The following KIF6 variants were observed in gnomAD, a reference collection of about 807,000 sequenced individuals.
KIF6 encodes kinesin family member 6.
A neutral mutation model predicts 112.7 loss-of-function variants in KIF6; 106 were observed. The ratio of observed to expected loss-of-function variants is 0.94; its 90% CI spans 0.80 to 1.11. The LOEUF is 1.11. Ranked by LOEUF, KIF6 falls within the 50% of genes least tolerant of loss-of-function variation. The probability of loss-of-function intolerance (pLI) is 0.00; values close to 1 mark genes in which losing one functional copy is unlikely to be tolerated. For missense variants in KIF6, 929 were observed against 964.0 expected (o/e 0.96, Z 0.48); for synonymous variants, 339 against 339.9 (o/e 1.00, Z 0.03).
At chr6:39,474,323 A>T (rs1438275669) in intron 13 of KIF6, among the ~76,000 whole-genome samples, 1 of 152,192 alleles carries the variant, frequency 6.6e-6, no homozygotes, top group Non-Finnish European at 1.5e-5. Context: ...CCCCACTCAC[A>T]TTATTTTCCT....
intron 14 of KIF6, among the ~76,000 whole-genome samples, chr6:39,427,742 C>A (rs1391683281): frequency 6.6e-6 from 1 of 152,180 alleles, no homozygotes; most frequent in East Asian, 1.9e-4. Flanking sequence ...GCCAGCCCAT[C>A]CTGCATAACT....
chr6:39,593,639 C>T (rs565457372), intron 7 of KIF6, among the ~76,000 whole-genome samples: 30 of 152,276 alleles, frequency 2.0e-4, no homozygotes, highest in Admixed American at 1.6e-3. Context: ...GTTACAGAGA[C>T]CAAGGGGCAA....
At chr6:39,352,731 G>A (rs889415841) in intron 19 of KIF6, among the ~76,000 whole-genome samples, 16 of 151,860 alleles carry the variant, frequency 1.1e-4, no homozygotes, top group African/African-American at 3.9e-4. Flanking sequence ...AGCCTTCCAA[G>A]TAGCTGGGAT....
chr6:39,598,517 C>T (rs1383062258), intron 6 of KIF6, among the ~76,000 whole-genome samples: 1 of 151,348 alleles, frequency 6.6e-6, no homozygotes, highest in Non-Finnish European at 1.5e-5. Flanking sequence ...TAACACACAG[C>T]CATCAATAAA....
At chr6:39,603,695 G>C (rs557761247) in intron 6 of KIF6, among the ~76,000 whole-genome samples, 2 of 151,934 alleles carry the variant, frequency 1.3e-5, no homozygotes, top group East Asian at 3.9e-4. Flanking sequence ...GTGGATGTTT[G>C]TAAAATTAAT....
chr6:39,681,444 G>T (rs575684744), intron 3 of KIF6, among the ~76,000 whole-genome samples: 2 of 152,158 alleles, frequency 1.3e-5, no homozygotes, highest in East Asian at 3.9e-4. Context: ...GCTACAAAAA[G>T]TAGGAGAGAA....
intron 13 of KIF6, among the ~76,000 whole-genome samples, chr6:39,434,158 A>C (rs956138517): frequency 6.6e-6 from 1 of 152,172 alleles, no homozygotes; most frequent in African/African-American, 2.4e-5. Flanking sequence ...TTCTCTCAAG[A>C]AGTATTTATT....
At chr6:39,578,972 C>A (rs1213247291) in intron 9 of KIF6, among the ~76,000 whole-genome samples, 1 of 152,130 alleles carries the variant, frequency 6.6e-6, no homozygotes, top group Admixed American at 6.5e-5. Context: ...AGGAATATAT[C>A]AGAATCTATT....
chr6:39,706,523 A>G (rs1217803163), intron 3 of KIF6, among the ~76,000 whole-genome samples: 1 of 152,220 alleles, frequency 6.6e-6, no homozygotes, highest in African/African-American at 2.4e-5. Flanking sequence ...TAATCATAAG[A>G]CCATGTTCTC....
At chr6:39,377,788 G>C (rs955634718) in intron 16 of KIF6, among the ~76,000 whole-genome samples, 2 of 152,182 alleles carry the variant, frequency 1.3e-5, no homozygotes, top group African/African-American at 2.4e-5. Context: ...GCCTCTGCCT[G>C]ATTTCCCGGG....
At chr6:39,385,706 T>C (rs764534724) in intron 15 of KIF6, 34 bp from the exon 16 acceptor site, 7 of 1,509,784 alleles carry the variant, frequency 4.6e-6, no homozygotes, top group Non-Finnish European at 6.4e-6. Context: ...TACCAGTGGG[T>C]TTCCAATGGG....
intron 11 of KIF6, among the ~76,000 whole-genome samples, chr6:39,544,935 A>G (rs777274090): frequency 1.4e-4 from 22 of 151,888 alleles, no homozygotes; most frequent in Non-Finnish European, 2.2e-4. Context: ...CCTTCCCTAA[A>G]TTGGGAAATG....
intron 3 of KIF6, among the ~76,000 whole-genome samples, chr6:39,676,035 T>A (rs1787118285): frequency 1.4e-5 from 2 of 141,434 alleles, no homozygotes; most frequent in African/African-American, 2.6e-5. Context: ...AAATAGGCAC[T>A]ACAGAGAATG....
At chr6:39,622,870 A>C (rs1242458495) in intron 5 of KIF6, among the ~76,000 whole-genome samples, 4 of 152,208 alleles carry the variant, frequency 2.6e-5, no homozygotes, top group African/African-American at 9.6e-5. Flanking sequence ...GCTGTGCAGA[A>C]TGATGGAAGG....
intron 10 of KIF6, among the ~76,000 whole-genome samples, chr6:39,569,714 A>C (rs934677098): frequency 6.6e-6 from 1 of 152,072 alleles, no homozygotes; most frequent in Non-Finnish European, 1.5e-5. Context: ...CCTCCCCTTC[A>C]CAGAACACTC....
At chr6:39,629,907 T>C (rs996886188) in intron 5 of KIF6, among the ~76,000 whole-genome samples, 1 of 152,078 alleles carries the variant, frequency 6.6e-6, no homozygotes, top group African/African-American at 2.4e-5. Flanking sequence ...CATGTGTGCA[T>C]ATCCAGTTGC....
chr6:39,523,597 C>T (rs1777518696), intron 13 of KIF6, among the ~76,000 whole-genome samples: 1 of 137,748 alleles, frequency 7.3e-6, no homozygotes, highest in Non-Finnish European at 1.5e-5. Context: ...GAGAAGTTCC[C>T]TAGGCCTCAG....
intron 13 of KIF6, among the ~76,000 whole-genome samples, chr6:39,477,506 A>G (rs1774505513): frequency 6.6e-6 from 1 of 152,232 alleles, no homozygotes; most frequent in African/African-American, 2.4e-5. Context: ...GGTTCTCTGC[A>G]TAATGGAATA....
chr6:39,720,025 G>T (rs905845175), intron 2 of KIF6, among the ~76,000 whole-genome samples: 1 of 152,014 alleles, frequency 6.6e-6, no homozygotes, highest in African/African-American at 2.4e-5. Context: ...GAAACAAAAA[G>T]AAACAGCTGA....
Sources: allele counts gnomAD v4.1 joint callset (sites outside exome capture counted in the v4.1 genomes callset), GRCh38; gene constraint gnomAD v4.1.1; transcripts MANE v1.5; gene names NCBI Gene and HGNC (gene_info 2026-07-23, HGNC 2026-07-21).